Variants in FHIT observed in about 807,000 individuals in gnomAD.
FHIT encodes the protein fragile histidine triad diadenosine triphosphatase.
Under a neutral mutation model 17.9 loss-of-function variants are expected in FHIT, and 19 were observed. The observed-to-expected ratio is 1.06, with a 90% CI of 0.74 to 1.56. The LOEUF (loss-of-function observed/expected upper bound fraction) is 1.56. Ranked by LOEUF, FHIT falls within the 40% of genes most tolerant of loss-of-function variation. The pLI is 0.00. For missense variants in FHIT, 248 were observed against 189.2 expected, an observed-to-expected ratio of 1.31 and a Z score of -1.82; for synonymous variants, 81 against 69.7, an observed-to-expected ratio of 1.16 and a Z score of -0.81.
At chr3:59,938,131 T>G (rs911002408) in intron 7 of FHIT, among the ~76,000 whole-genome samples, 2 of 152,030 alleles carry the variant, frequency 1.3e-5, no homozygotes, top group Non-Finnish European at 2.9e-5. Flanking sequence ...TCTATAGTAG[T>G]GAAGATATAC....
At chr3:60,745,382 G>A (rs781854508) in intron 4 of FHIT, among the ~76,000 whole-genome samples, 1 of 152,192 alleles carries the variant, frequency 6.6e-6, no homozygotes, top group Non-Finnish European at 1.5e-5. Flanking sequence ...AGTGAGATTG[G>A]TGTGGAGAAT....
chr3:60,670,790 G>T (rs139748908), intron 4 of FHIT, among the ~76,000 whole-genome samples: 19 of 152,296 alleles, frequency 1.2e-4, no homozygotes, highest in African/African-American at 4.6e-4. Flanking sequence ...ATGCCAGATA[G>T]TGAAATTTGG....
At chr3:60,197,384 A>G (rs1487654727) in intron 5 of FHIT, among the ~76,000 whole-genome samples, 1 of 152,238 alleles carries the variant, frequency 6.6e-6, no homozygotes, top group Non-Finnish European at 1.5e-5. Context: ...AATAAAATGT[A>G]AAATTAATTT....
chr3:60,593,131 C>G (rs959761476), intron 4 of FHIT, among the ~76,000 whole-genome samples: 1 of 152,102 alleles, frequency 6.6e-6, no homozygotes, highest in East Asian at 1.9e-4. Context: ...CCCACACTTT[C>G]ATTTTGACTA....
intron 5 of FHIT, among the ~76,000 whole-genome samples, chr3:60,436,699 C>G (rs2030283003): frequency 1.3e-5 from 2 of 152,232 alleles, no homozygotes; most frequent in African/African-American, 2.4e-5. Context: ...ACGCTGCCTT[C>G]ATGGAGTCTA....
intron 3 of FHIT, among the ~76,000 whole-genome samples, chr3:61,012,917 G>A (rs951543770): frequency 6.6e-6 from 1 of 151,796 alleles, no homozygotes; most frequent in African/African-American, 2.4e-5. Flanking sequence ...AATGAAATAT[G>A]ACTTATAGAG....
chr3:59,773,001 T>C (rs895491370), intron 8 of FHIT, among the ~76,000 whole-genome samples: 2 of 152,246 alleles, frequency 1.3e-5, no homozygotes, highest in African/African-American at 2.4e-5. Context: ...ACAAAGCTCA[T>C]ATGTACCACA....
intron 5 of FHIT, among the ~76,000 whole-genome samples, chr3:60,285,199 T>C (rs772982220): frequency 5.3e-5 from 8 of 152,152 alleles, no homozygotes; most frequent in Non-Finnish European, 1.2e-4. Flanking sequence ...TGTATTTTTA[T>C]TATAGTCATA....
At chr3:60,018,152 G>A (rs1248512505) in intron 5 of FHIT, among the ~76,000 whole-genome samples, 1 of 152,184 alleles carries the variant, frequency 6.6e-6, no homozygotes, top group Non-Finnish European at 1.5e-5. Context: ...AGAAGTGGAA[G>A]GGAAAACAGT....
intron 5 of FHIT, among the ~76,000 whole-genome samples, chr3:60,392,284 G>T (rs1253170851): frequency 1.3e-5 from 2 of 152,152 alleles, no homozygotes; most frequent in Non-Finnish European, 2.9e-5. Flanking sequence ...TTATGGCGAA[G>T]CTTGGATGGA....
chr3:59,786,575 G>C (rs1699308676), intron 8 of FHIT, among the ~76,000 whole-genome samples: 1 of 152,244 alleles, frequency 6.6e-6, no homozygotes, highest in Non-Finnish European at 1.5e-5. Flanking sequence ...ACTGTTGCCA[G>C]GGTGAGCATG....
chr3:61,237,705 T>A (rs1001612085), intron 1 of FHIT, among the ~76,000 whole-genome samples: 1 of 152,186 alleles, frequency 6.6e-6, no homozygotes, highest in African/African-American at 2.4e-5. Context: ...AGAACATAAT[T>A]GAAATCAATG....
intron 5 of FHIT, among the ~76,000 whole-genome samples, chr3:60,474,601 A>G (rs1483197065): frequency 6.6e-6 from 1 of 152,058 alleles, no homozygotes; most frequent in Non-Finnish European, 1.5e-5. Context: ...CATTTTCACA[A>G]ATGTATTATT....
chr3:60,948,897 T>C (rs1462581300), intron 3 of FHIT, among the ~76,000 whole-genome samples: 6 of 152,168 alleles, frequency 3.9e-5, no homozygotes, highest in African/African-American at 1.2e-4. Flanking sequence ...CACCGCTCTT[T>C]TGTCTTCATC....
chr3:60,341,709 A>G (rs549150253), intron 5 of FHIT, among the ~76,000 whole-genome samples: 2 of 152,078 alleles, frequency 1.3e-5, no homozygotes, highest in South Asian at 2.1e-4. Flanking sequence ...CAAATTCTAC[A>G]CTTAGATTGA....
chr3:60,709,113 T>C (rs963989667), intron 4 of FHIT, among the ~76,000 whole-genome samples: 2 of 152,220 alleles, frequency 1.3e-5, no homozygotes, highest in Non-Finnish European at 2.9e-5. Context: ...TTTGTGGTTA[T>C]GTTGGTTATA....
At chr3:59,985,337 G>C (rs1053211854) in intron 7 of FHIT, among the ~76,000 whole-genome samples, 3 of 152,060 alleles carry the variant, frequency 2.0e-5, no homozygotes, top group African/African-American at 4.8e-5. Context: ...CAGAGTATTT[G>C]CCAAAACTCC....
chr3:60,750,707 G>A (rs2042448960), intron 4 of FHIT, among the ~76,000 whole-genome samples: 1 of 152,158 alleles, frequency 6.6e-6, no homozygotes, highest in Admixed American at 6.5e-5. Flanking sequence ...ATCTTTATCA[G>A]CAGTGTGAAA....
intron 5 of FHIT, among the ~76,000 whole-genome samples, chr3:60,089,746 A>G (rs6797474): frequency 0.94 from 143,291 of 152,238 alleles, 67,481 homozygotes; most frequent in East Asian, 0.98. Flanking sequence ...CTTGTTTCTG[A>G]TGAGGGTAGT....
Sources: allele counts gnomAD v4.1 joint callset (sites outside exome capture counted in the v4.1 genomes callset), GRCh38; gene constraint gnomAD v4.1.1; transcripts MANE v1.5; gene names NCBI Gene and HGNC (gene_info 2026-07-23, HGNC 2026-07-21).